Variants in MCF2L2 observed in about 807,000 individuals in gnomAD.
MCF2L2 encodes MCF.2 cell line derived transforming sequence-like 2.
A neutral mutation model predicts 150.2 loss-of-function variants in MCF2L2; 102 were observed. The observed-to-expected ratio is 0.68, with a 90% CI of 0.58 to 0.80. The LOEUF is 0.80. Ranked by LOEUF, MCF2L2 falls within the 30% of genes least tolerant of loss-of-function variation. The probability of loss-of-function intolerance (pLI) is 0.00; values close to 1 mark genes in which losing one functional copy is unlikely to be tolerated. For missense variants in MCF2L2, 1,256 were observed against 1,372.8 expected, an observed-to-expected ratio of 0.91 and a Z score of 1.34; for synonymous variants, 465 against 491.3, an observed-to-expected ratio of 0.95 and a Z score of 0.71.
At position 183,270,566 on chromosome 3, in the gene MCF2L2, T is replaced by G. The variant is rs761087698; in HGVS notation, c.1862+6306A>C. 7 of 1,614,098 alleles carry G rather than the reference T, an allele frequency of 4.3e-6. No individual in the cohort carries two copies. The highest frequency in any genetic ancestry group is 8.5e-7 in the Non-Finnish European group (1 of 1,180,046). On this transcript the variant is annotated intron_variant, in intron 15 of 29. Coordinates refer to ENST00000328913, the MANE Select transcript of MCF2L2 (RefSeq NM_015078.4). This position sits in a 1 kb window ranked among gnomAD's most constrained non-coding sequence, Gnocchi z 4.5. ...CTTACCCTGACTACACAGCCGGAGC[T>G]GCCTATGTAATCTCCGGTGATGTAG...
At position 183,201,709 on chromosome 3, in the gene MCF2L2, C is replaced by A. The variant is rs113441844; in HGVS notation, c.2884+4167G>T. ...GGCATCCCTGTCTTCTGCCAGGTTT[C>A]AAAGGGAATACTTCCAGTTTTTGCC... On this transcript the variant is annotated intron_variant, in intron 25 of 29. Transcript: ENST00000328913. Among the ~76,000 whole-genome samples, 1,133 of 152,276 alleles carry A rather than the reference C, an allele frequency of 7.4e-3. 12 individuals carry two copies. Among genetic ancestry groups the A allele is most frequent in the African/African-American group, 0.026 (1,065 of 41,546 alleles).
At chr3:183,297,666 T>TCCTTCCTTCCTTCCTTCCTTCCTTCCTC (rs1560006949) in intron 11 of MCF2L2, 11 of 110,340 alleles carry the variant, frequency 1.0e-4, no homozygotes, top group African/African-American at 3.8e-4. Context: ...CTTCCTTCCT[T>TCCTTCCTTCCTTCCTTCCTTCCTTCCTC]CCTCTTTCTT....
intron 5 of MCF2L2, among the ~76,000 whole-genome samples, chr3:183,324,813 T>C (rs557816974): frequency 6.6e-6 from 1 of 152,128 alleles, no homozygotes; most frequent in Non-Finnish European, 1.5e-5. Context: ...CAGATATGTA[T>C]TGAACTACTA....
At chr3:183,253,863 G>C (rs1238118845) in intron 15 of MCF2L2, 1 of 152,278 alleles carries the variant, frequency 6.6e-6, no homozygotes, top group Non-Finnish European at 1.5e-5. Flanking sequence ...CTGTGCCGCG[G>C]CCGCATCTTT....
intron 22 of MCF2L2, among the ~76,000 whole-genome samples, chr3:183,208,799 T>C (rs1360591393): frequency 1.3e-5 from 2 of 152,214 alleles, no homozygotes; most frequent in African/African-American, 4.8e-5. Context: ...TCATTCATAA[T>C]TGATTGGGCA....
At chr3:183,271,390 A>G (rs1726768355) in intron 15 of MCF2L2, 2 of 167,866 alleles carry the variant, frequency 1.2e-5, no homozygotes, top group African/African-American at 4.8e-5. Context: ...GGGCAGGGAA[A>G]GGTCAGCATA....
At chr3:183,426,406 G>A (rs1716168531) in intron 1 of MCF2L2, among the ~76,000 whole-genome samples, 1 of 152,180 alleles carries the variant, frequency 6.6e-6, no homozygotes, top group African/African-American at 2.4e-5. Context: ...GAGGGACCAG[G>A]GATATGTCTA....
chr3:183,255,139 T>C (rs1724924317), intron 15 of MCF2L2, among the ~76,000 whole-genome samples: 1 of 152,186 alleles, frequency 6.6e-6, no homozygotes, highest in Admixed American at 6.5e-5. Flanking sequence ...TGCCTTTATT[T>C]TGGGAAACCT....
chr3:183,199,950 T>A (rs537336805), intron 25 of MCF2L2, among the ~76,000 whole-genome samples: 1 of 152,202 alleles, frequency 6.6e-6, no homozygotes. Flanking sequence ...ACAAAGGACA[T>A]GAACTCATTG....
At chr3:183,224,034 ATTTC>A (rs1723255409) in intron 19 of MCF2L2, 60 bp downstream of exon 19, 3 of 1,234,474 alleles carry the variant, frequency 2.4e-6, no homozygotes, top group South Asian at 1.2e-5. Flanking sequence ...CCCACTTTTG[ATTTC>A]TTTAACAACT....
intron 10 of MCF2L2, among the ~76,000 whole-genome samples, chr3:183,301,473 G>A (rs1022492203): frequency 6.6e-6 from 1 of 152,150 alleles, no homozygotes; most frequent in African/African-American, 2.4e-5. Context: ...GAGTACTCAA[G>A]CTATGCAGAA....
intron 27 of MCF2L2, among the ~76,000 whole-genome samples, chr3:183,185,358 A>C (rs1721659399): frequency 6.6e-6 from 1 of 152,260 alleles, no homozygotes; most frequent in Admixed American, 6.5e-5. Context: ...TGGAAGAACC[A>C]GGGGGTAACT....
intron 14 of MCF2L2, among the ~76,000 whole-genome samples, chr3:183,286,128 T>C (rs762732744): frequency 6.6e-6 from 1 of 152,158 alleles, no homozygotes; most frequent in Non-Finnish European, 1.5e-5. Flanking sequence ...AGAACCAGCA[T>C]GGCAAGGATC....
Position 183,230,952 on chromosome 3 carries a change from T to G in MCF2L2, c.1928A>C (p.Asp643Ala). The G allele has an allele frequency of 6.2e-7, 1 of 1,611,592 alleles. No individual in the cohort carries two copies. Among genetic ancestry groups the G allele is most frequent in the Non-Finnish European group, 8.5e-7 (1 of 1,177,760 alleles). The change falls in exon 16 of 30, where the codon GAT becomes GCT. Residue 643 changes from aspartate to alanine, a missense_variant and splice_region_variant. Physicochemically the swap from Asp to Ala is moderately radical, Grantham distance 126. Transcript: ENST00000328913. ...ACCCCACTCCCCAAATCTACTTACA[T>G]CAATTATGCTTTTAATCTCTTTTAT... The part of the protein sequence containing the change: ...IYIKEIKSII[D>A]GYITPMDFIW...
At chr3:183,278,925 CAT>C (rs968649846) in intron 14 of MCF2L2, among the ~76,000 whole-genome samples, 4 of 152,188 alleles carry the variant, frequency 2.6e-5, no homozygotes, top group South Asian at 2.1e-4. Context: ...GCTCTGCTGA[CAT>C]GTGTCAGATG....
chr3:183,383,000 G>C (rs1032388288), intron 2 of MCF2L2, among the ~76,000 whole-genome samples: 5 of 151,972 alleles, frequency 3.3e-5, no homozygotes, highest in African/African-American at 1.2e-4. Flanking sequence ...GTTTTAACTG[G>C]GGAAATGGCA....
chr3:183,353,188 A>G (rs528062992), intron 3 of MCF2L2, among the ~76,000 whole-genome samples: 35 of 152,360 alleles, frequency 2.3e-4, no homozygotes, highest in Non-Finnish European at 4.0e-4. Flanking sequence ...CTCTTAAGTG[A>G]TTCATGAATA....
intron 2 of MCF2L2, among the ~76,000 whole-genome samples, chr3:183,387,102 A>T (rs143051632): frequency 6.6e-6 from 1 of 152,232 alleles, no homozygotes; most frequent in Non-Finnish European, 1.5e-5. Flanking sequence ...CAAAAAATTT[A>T]AAAATTTTGG....
chr3:183,268,369 G>A (rs925180084), intron 15 of MCF2L2, among the ~76,000 whole-genome samples: 28 of 152,158 alleles, frequency 1.8e-4, no homozygotes, highest in African/African-American at 5.6e-4. Context: ...CAAAGGTCAC[G>A]CTGACTGTAA....
Sources: gnomAD v4.1 joint callset for allele counts (sites outside exome capture counted in the v4.1 genomes callset) on GRCh38, gnomAD v4.1.1 for gene constraint, Gnocchi (gnomAD v3.1) non-coding constraint, MANE v1.5 for transcripts, NCBI Gene and HGNC (gene_info 2026-07-23, HGNC 2026-07-21) for gene names.